Variants in MTUS2 observed in about 807,000 individuals in gnomAD.
MTUS2 encodes microtubule associated scaffold protein 2.
MTUS2 carries 40 observed loss-of-function variants against 114.1 expected under a neutral mutation model. The observed-to-expected ratio is 0.35, with a 90% CI of 0.27 to 0.46. The LOEUF is 0.46. Among genes scored for constraint, MTUS2 ranks in the 20% least tolerant of loss-of-function variants. The pLI, the probability that MTUS2 is intolerant of heterozygous loss-of-function variation, is 1.00. For missense variants in MTUS2, 1,679 were observed against 1,705.4 expected, an observed-to-expected ratio of 0.98 and a Z score of 0.27; for synonymous variants, 688 against 672.0, an observed-to-expected ratio of 1.02 and a Z score of -0.37.
chr13:28,940,621 T>C (rs140417943), intron 2 of MTUS2, among the ~76,000 whole-genome samples: 143 of 151,194 alleles, frequency 9.5e-4, no homozygotes, highest in African/African-American at 3.4e-3. Flanking sequence ...AACTGGAAAC[T>C]GTAAGAGTAT....
chr13:28,866,949 G>C (rs1038429310), intron 2 of MTUS2, among the ~76,000 whole-genome samples: 3 of 152,166 alleles, frequency 2.0e-5, no homozygotes, highest in African/African-American at 7.2e-5. Context: ...CAGTAGGATC[G>C]TGAATAAATC....
chr13:29,138,683 A>C (rs1203258835), intron 5 of MTUS2, among the ~76,000 whole-genome samples: 1 of 151,476 alleles, frequency 6.6e-6, no homozygotes, highest in African/African-American at 2.4e-5. Context: ...AATAAAAACC[A>C]TTGAATTGTG....
chr13:29,479,883 G>A lies in MTUS2; in HGVS notation c.3185-267G>A, dbSNP rs532100818. On this transcript the variant is annotated intron_variant, in intron 9 of 15. Transcript: ENST00000612955. The stretch of plus-strand genomic sequence containing the variant: ...CCTTGCAATCAGAAAGCCCAGATTT[G>A]CCTTCCCAGCTCCTTCTCCAGCCGC... Among the ~76,000 whole-genome samples the A allele has an allele frequency of 2.6e-5, 4 of 152,276 alleles. No individual in the cohort carries two copies. In the South Asian group the frequency reaches 8.3e-4, roughly 32 times the overall value.
rs374863393 is a variant in MTUS2 at position 29,026,860 on chromosome 13, C to T, written c.2162C>T (p.Pro721Leu). 1.3e-4 allele frequency: 211 copies of T among 1,602,684 alleles called. No individual in the cohort carries two copies. The highest frequency in any genetic ancestry group is 3.3e-4 in the Middle Eastern group (2 of 6,050). The change falls in exon 3 of 16, where the codon CCG becomes CTG. Residue 721 changes from proline (P) to leucine (L), a missense_variant. By Grantham distance (98) the Pro-to-Leu change is moderately conservative (BLOSUM62 -3). Coordinates refer to ENST00000612955, the MANE Select transcript of MTUS2 (RefSeq NM_001033602.4). ...TTGATGGTGTCTGGAATCAAGCCCC[C>T]GGGACATCCTTTCAGTCAAATGAGT... ...SGLMVSGIKP[P>L]GHPFSQMSEK...
intron 7 of MTUS2, among the ~76,000 whole-genome samples, chr13:29,330,646 T>G (rs1254433104): frequency 1.3e-5 from 2 of 152,228 alleles, no homozygotes; most frequent in Non-Finnish European, 2.9e-5. Flanking sequence ...TTCAGTTTTC[T>G]GCATATGGCG....
At chr13:28,842,448 C>G (rs1043647021) in intron 2 of MTUS2, among the ~76,000 whole-genome samples, 4 of 152,124 alleles carry the variant, frequency 2.6e-5, no homozygotes, top group Non-Finnish European at 5.9e-5. Context: ...CCTTATCTTT[C>G]AGTAGAGAGA....
intron 2 of MTUS2, among the ~76,000 whole-genome samples, chr13:28,924,295 C>T (rs1374960894): frequency 1.3e-5 from 2 of 152,162 alleles, no homozygotes; most frequent in Non-Finnish European, 2.9e-5. Context: ...TTGTACTTAG[C>T]ATGGAGGAGC....
At chr13:29,487,569 T>G in intron 10 of MTUS2, 1 of 288,688 alleles carries the variant, frequency 3.5e-6, no homozygotes, top group Non-Finnish European at 6.6e-6. Flanking sequence ...TTTCTTTTCC[T>G]TTGCCGTCAT....
intron 7 of MTUS2, among the ~76,000 whole-genome samples, chr13:29,334,395 G>C (rs1188073803): frequency 1.3e-5 from 2 of 152,178 alleles, no homozygotes; most frequent in African/African-American, 4.8e-5. Flanking sequence ...TTGTAAGGCA[G>C]GCCTGGTGGT....
intron 5 of MTUS2, among the ~76,000 whole-genome samples, chr13:29,198,141 C>T (rs1894781214): frequency 6.6e-6 from 1 of 152,130 alleles, no homozygotes; most frequent in Non-Finnish European, 1.5e-5. Flanking sequence ...GAAGTTTTTG[C>T]CCATGCCTAT....
At chr13:28,988,453 C>T (rs1254236856) in intron 2 of MTUS2, among the ~76,000 whole-genome samples, 1 of 152,176 alleles carries the variant, frequency 6.6e-6, no homozygotes, top group Non-Finnish European at 1.5e-5. Context: ...TGATAATCTT[C>T]TAGGAATTAC....
chr13:29,245,294 T>C (rs528767165), intron 5 of MTUS2, among the ~76,000 whole-genome samples: 61 of 152,270 alleles, frequency 4.0e-4, no homozygotes, highest in Middle Eastern at 6.8e-3. Flanking sequence ...TTCTTCTAAC[T>C]CAACTCCATA....
chr13:29,026,085 A>G lies in MTUS2; in HGVS notation c.1387A>G (p.Asn463Asp), dbSNP rs1227542390. 2 of 1,613,852 alleles carry G rather than the reference A, an allele frequency of 1.2e-6. No individual in the cohort carries two copies. Among genetic ancestry groups the G allele is most frequent in the Non-Finnish European group, 1.7e-6 (2 of 1,179,888 alleles). The change falls in exon 3 of 16, where the codon AAT (asparagine) becomes GAT (aspartate). Residue 463 changes from asparagine (N) to aspartate (D), a missense_variant. Physicochemically the swap from Asn to Asp is conservative, Grantham distance 23. This residue lies in a region of MTUS2 where 843 missense variants were observed against 770.8 expected (regional missense o/e 1.09). Coordinates refer to ENST00000612955, the MANE Select transcript of MTUS2 (RefSeq NM_001033602.4). ...IEEERRLGSG[N>D]KDSVMVLVFN... ...GGAGGAAAGGCGGTTGGGCAGTGGG[A>G]ATAAGGACAGTGTTATGGTTTTGGT...
intron 5 of MTUS2, among the ~76,000 whole-genome samples, chr13:29,120,762 A>G (rs1290094731): frequency 2.6e-5 from 4 of 151,978 alleles, no homozygotes; most frequent in African/African-American, 7.3e-5. Flanking sequence ...GTGCATTGCA[A>G]TTCCCTCTAT....
chr13:28,939,793 CAAA>C (rs1241358441), intron 2 of MTUS2, among the ~76,000 whole-genome samples: 14 of 151,532 alleles, frequency 9.2e-5, no homozygotes, highest in African/African-American at 3.4e-4. Flanking sequence ...ATGCTGCTAA[CAAA>C]GACATACCCA....
chr13:29,266,424 A>C (rs535313096), intron 5 of MTUS2, among the ~76,000 whole-genome samples: 6 of 152,216 alleles, frequency 3.9e-5, no homozygotes, highest in Non-Finnish European at 7.3e-5. Flanking sequence ...CAATGAAGCC[A>C]AAGTAAAAAC....
chr13:29,321,615 T>C (rs1016918222), intron 6 of MTUS2, among the ~76,000 whole-genome samples: 1 of 152,216 alleles, frequency 6.6e-6, no homozygotes. Context: ...TTATCTGTCC[T>C]TATCCTTTTA....
intron 2 of MTUS2, among the ~76,000 whole-genome samples, chr13:28,897,939 T>C (rs1371168609): frequency 6.7e-6 from 1 of 150,020 alleles, no homozygotes; most frequent in Admixed American, 6.6e-5. Context: ...TTAGGAGATA[T>C]ACCTAATGTT....
intron 5 of MTUS2, among the ~76,000 whole-genome samples, chr13:29,209,607 G>T (rs117565776): frequency 7.2e-5 from 11 of 152,020 alleles, no homozygotes; most frequent in Non-Finnish European, 1.5e-4. Context: ...CCTTTTAGGA[G>T]ATCTTGTAGT....
Sources: allele counts gnomAD v4.1 joint callset (sites outside exome capture counted in the v4.1 genomes callset), GRCh38; gene constraint gnomAD v4.1.1; regional missense constraint gnomAD v4.1.1; transcripts MANE v1.5; gene names NCBI Gene and HGNC (gene_info 2026-07-23, HGNC 2026-07-21).